Variants in CCDC141 observed in about 807,000 individuals in gnomAD.
CCDC141 encodes the protein coiled-coil domain containing 141.
A neutral mutation model predicts 181.0 loss-of-function variants in CCDC141; 168 were observed. The observed-to-expected ratio is 0.93, with a 90% confidence interval of 0.82 to 1.05. The LOEUF is 1.05. Ranked by LOEUF, CCDC141 falls within the 50% of genes least tolerant of loss-of-function variation. The pLI, the probability that CCDC141 is intolerant of heterozygous loss-of-function variation, is 0.00. For synonymous variants in CCDC141, 666 were observed against 642.3 expected, an observed-to-expected ratio of 1.04 and a Z score of -0.56; for missense variants, 1,902 against 1,788.5, an observed-to-expected ratio of 1.06 and a Z score of -1.14.
the CCDC141 span, among the ~76,000 whole-genome samples, chr2:178,821,786 T>C: frequency 2.6e-5 from 4 of 152,218 alleles, no homozygotes; most frequent in South Asian, 2.1e-4. Flanking sequence ...TGTGGAGAAA[T>C]AGGAACACTT....
At position 178,921,224 on chromosome 2, in the gene CCDC141, T is replaced by C. The variant is rs1688674276; in HGVS notation, c.898-2317A>G. ...TCCCCACTTAAGGAAAACTAATATG[T>C]GCCAAGATGTTCTTTCATAAAGCAC... On this transcript the variant is annotated intron_variant, in intron 6 of 23. Transcript: ENST00000443758. Among the ~76,000 whole-genome samples the C allele has an allele frequency of 5.9e-5, 9 of 152,248 alleles. No homozygotes were observed. The South Asian group carries it at 1.9e-3, about 31-fold the overall frequency.
chr2:178,994,101 G>A (rs996215553), intron 2 of CCDC141, among the ~76,000 whole-genome samples: 3 of 152,136 alleles, frequency 2.0e-5, no homozygotes, highest in African/African-American at 7.2e-5. Context: ...CTACCATTCT[G>A]GAGTCTCGAG....
At chr2:178,985,690 A>G (rs1194970292) in intron 2 of CCDC141, among the ~76,000 whole-genome samples, 2 of 152,010 alleles carry the variant, frequency 1.3e-5, no homozygotes, top group African/African-American at 4.8e-5. Flanking sequence ...TACAAACACC[A>G]CTACGCAAAT....
intron 5 of CCDC141, among the ~76,000 whole-genome samples, chr2:178,947,428 C>A (rs893170779): frequency 6.6e-6 from 1 of 152,128 alleles, no homozygotes; most frequent in Non-Finnish European, 1.5e-5. Context: ...TGGTTCTGGG[C>A]AATGATGGAT....
In CCDC141 at chr2:178,852,450, C is replaced by G. The variant is rs139379489; in HGVS notation, c.3244+991G>C. On this transcript the variant is annotated intron_variant, in intron 20 of 23. Coordinates refer to ENST00000443758, the MANE Select transcript of CCDC141 (RefSeq NM_173648.4). ...GTGTCTCCAAAATATTTAGTGCACTCACACGGTAACTCCAGCAAGAAGATG... is the reference window on the plus strand; with the variant it reads ...GTGTCTCCAAAATATTTAGTGCACTGACACGGTAACTCCAGCAAGAAGATG... 4.0e-3 allele frequency among the ~76,000 whole-genome samples: 611 copies of G among 152,314 alleles called. 3 individuals carry two copies. The highest frequency in any genetic ancestry group is 0.014 in the African/African-American group (566 of 41,560).
intron 6 of CCDC141, among the ~76,000 whole-genome samples, chr2:178,929,989 A>T (rs1689039372): frequency 6.6e-6 from 1 of 152,164 alleles, no homozygotes; most frequent in South Asian, 2.1e-4. Context: ...TAGACAGATG[A>T]GCAAAACACA....
At chr2:178,986,493 A>T (rs1691748434) in intron 2 of CCDC141, among the ~76,000 whole-genome samples, 1 of 152,246 alleles carries the variant, frequency 6.6e-6, no homozygotes, top group Non-Finnish European at 1.5e-5. Flanking sequence ...AAGGAAATAA[A>T]GGGTATTCAA....
chr2:179,034,731 G>A (rs1202732351), intron 2 of CCDC141, among the ~76,000 whole-genome samples: 2 of 152,094 alleles, frequency 1.3e-5, no homozygotes, highest in Non-Finnish European at 2.9e-5. Context: ...TTGATATTTT[G>A]AATTCATAAT....
intron 11 of CCDC141, among the ~76,000 whole-genome samples, chr2:178,882,323 C>T (rs995071305): frequency 3.3e-5 from 5 of 152,202 alleles, no homozygotes; most frequent in African/African-American, 7.2e-5. Context: ...GAGCCAAAAT[C>T]GCGCCATTGC....
chr2:178,975,343 G>T (rs912581430), intron 3 of CCDC141, among the ~76,000 whole-genome samples, 178 bp from the exon 4 acceptor site: 4 of 152,094 alleles, frequency 2.6e-5, no homozygotes, highest in South Asian at 2.1e-4. Flanking sequence ...TTGCATGAGG[G>T]TGTGTGTTTG....
At chr2:178,990,214 A>G (rs1575315121) in intron 2 of CCDC141, among the ~76,000 whole-genome samples, 1 of 151,828 alleles carries the variant, frequency 6.6e-6, no homozygotes, top group Non-Finnish European at 1.5e-5. Flanking sequence ...ATTGGAATCC[A>G]TGTACATAGC....
chr2:178,915,086 T>C (rs1331421364), intron 7 of CCDC141, among the ~76,000 whole-genome samples: 1 of 151,928 alleles, frequency 6.6e-6, no homozygotes, highest in Non-Finnish European at 1.5e-5. Context: ...GGTGAGAGGA[T>C]TACCTGAGCC....
At chr2:178,971,772 G>T (rs1364522954) in intron 4 of CCDC141, among the ~76,000 whole-genome samples, 5 of 152,132 alleles carry the variant, frequency 3.3e-5, no homozygotes, top group African/African-American at 7.2e-5. Context: ...CATGTCCTTT[G>T]CAGGGACATG....
chr2:178,959,610 T>C (rs1293392302), intron 5 of CCDC141, among the ~76,000 whole-genome samples: 1 of 152,174 alleles, frequency 6.6e-6, no homozygotes, highest in Non-Finnish European at 1.5e-5. Context: ...GGAATGAGCA[T>C]GTGAAAGTGC....
intron 7 of CCDC141, among the ~76,000 whole-genome samples, chr2:178,912,301 C>T (rs1041518718): frequency 6.6e-6 from 1 of 152,124 alleles, no homozygotes; most frequent in Admixed American, 6.6e-5. Flanking sequence ...AATTAATACA[C>T]TCTTACGTTA....
the CCDC141 span, among the ~76,000 whole-genome samples, chr2:178,823,493 A>C: frequency 5.3e-5 from 8 of 152,304 alleles, no homozygotes; most frequent in African/African-American, 1.9e-4. Flanking sequence ...TGTATGCTTT[A>C]GTAACCTTAA....
intron 21 of CCDC141, among the ~76,000 whole-genome samples, chr2:178,846,531 T>C (rs553636850): frequency 6.6e-6 from 1 of 152,274 alleles, no homozygotes; most frequent in African/African-American, 2.4e-5. Flanking sequence ...GCTCGGAGGA[T>C]TCAGGGAGAC....
chr2:178,825,603 C>G (rs917134604), downstream of CCDC141: 1 of 149,324 alleles, frequency 6.7e-6, no homozygotes, highest in Non-Finnish European at 1.5e-5. Context: ...TTACCTCTCC[C>G]AAATCTGCCC....
intron 2 of CCDC141, among the ~76,000 whole-genome samples, chr2:178,988,910 AGTC>A (rs1691893184): frequency 6.6e-6 from 1 of 152,214 alleles, no homozygotes; most frequent in African/African-American, 2.4e-5. Context: ...AGGAAAGAAT[AGTC>A]TCAAACTAGT....
Sources: gnomAD v4.1 joint callset for allele counts (sites outside exome capture counted in the v4.1 genomes callset) on GRCh38, gnomAD v4.1.1 for gene constraint, MANE v1.5 for transcripts, NCBI Gene and HGNC (gene_info 2026-07-23, HGNC 2026-07-21) for gene names.